Variants in WDR75 observed in about 807,000 individuals in gnomAD.
The protein encoded by WDR75 is WD repeat domain 75.
Under a neutral mutation model 106.1 loss-of-function variants are expected in WDR75, and 52 were observed. That is an observed-to-expected ratio of 0.49 (90% CI 0.39 to 0.62). The LOEUF (loss-of-function observed/expected upper bound fraction) is 0.62, where lower values mean the gene tolerates loss of function less well. Ranked by LOEUF, WDR75 falls within the 20% of genes least tolerant of loss-of-function variation. The pLI, the probability that WDR75 is intolerant of heterozygous loss-of-function variation, is 0.00. For missense variants in WDR75, 905 were observed against 970.3 expected, an observed-to-expected ratio of 0.93 and a Z score of 0.89; for synonymous variants, 333 against 335.5, an observed-to-expected ratio of 0.99 and a Z score of 0.08.
intron 1 of WDR75, among the ~76,000 whole-genome samples, chr2:189,444,608 C>A (rs1686455824): frequency 1.3e-5 from 2 of 152,306 alleles, no homozygotes; most frequent in South Asian, 4.1e-4. Context: ...CCTTACAGAT[C>A]ATTCTGAGTA....
Position 189,474,171 on chromosome 2 carries a change from C to G in WDR75, c.2050-15C>G, listed in dbSNP as rs746219673. Reference sequence around the variant, plus strand: ...TTTTTCTGAAATAATTTCTCTTTGTCTTAAATCCTTAAAGCTGCTAGCAGA... The same window carrying G: ...TTTTTCTGAAATAATTTCTCTTTGTGTTAAATCCTTAAAGCTGCTAGCAGA... On this transcript the variant is annotated splice_polypyrimidine_tract_variant and intron_variant, in intron 18 of 20. Coordinates refer to ENST00000314761, the MANE Select transcript of WDR75 (RefSeq NM_032168.3). 25 of 1,601,254 alleles carry G rather than the reference C, an allele frequency of 1.6e-5. No homozygotes were observed. Among genetic ancestry groups the G allele is most frequent in the Non-Finnish European group, 1.6e-5 (19 of 1,176,168 alleles).
At chr2:189,450,514 G>C in intron 2 of WDR75, 1 of 918,328 alleles carries the variant, frequency 1.1e-6, no homozygotes, top group Non-Finnish European at 1.3e-6. Flanking sequence ...TAGGGGTTTC[G>C]TCATGTTGGC....
At chr2:189,462,036 TA>T (rs1686899015) in intron 8 of WDR75, among the ~76,000 whole-genome samples, 1 of 152,216 alleles carries the variant, frequency 6.6e-6, no homozygotes, top group Admixed American at 6.5e-5. Context: ...TTTCAGCTGT[TA>T]AGGTAATCTC....
chr2:189,474,019 T>C (rs1260479525), intron 18 of WDR75, among the ~76,000 whole-genome samples, 167 bp from the exon 19 acceptor site: 1 of 152,214 alleles, frequency 6.6e-6, no homozygotes, highest in Non-Finnish European at 1.5e-5. Flanking sequence ...AGTGGGATGC[T>C]AGGCCTCAGT....
At chr2:189,453,469 C>G (rs1018839217) in intron 4 of WDR75, among the ~76,000 whole-genome samples, 34 of 152,168 alleles carry the variant, frequency 2.2e-4, no homozygotes, top group African/African-American at 7.5e-4. Flanking sequence ...ACTGACTACA[C>G]ATAAGAATCA....
intron 5 of WDR75, 102 bp downstream of exon 5, chr2:189,455,546 A>G: frequency 7.1e-7 from 1 of 1,410,606 alleles, no homozygotes; most frequent in Non-Finnish European, 9.6e-7. Context: ...ATTCCCTTGA[A>G]TTACTATATT....
In WDR75 at chr2:189,468,536, A is replaced by G. The variant is rs988738627; in HGVS notation, c.1690A>G (p.Ile564Val). 1 of 1,613,328 alleles carries G rather than the reference A, an allele frequency of 6.2e-7. No individual in the cohort carries two copies. The highest frequency in any genetic ancestry group is 8.5e-7 in the Non-Finnish European group (1 of 1,179,446). Residue 564 changes from isoleucine (I) to valine (V), a missense_variant, in exon 15 of 21, where the codon ATT becomes GTT. Transcript: ENST00000314761. ...TCTACTTGGTGCTACTGAAAATGGC[A>G]TTCTTTGCTGTTGGAATCTGCTGAG... is the stretch of plus-strand genomic sequence containing the variant. ...KYLLGATENG[I>V]LCCWNLLSCA...
chr2:189,466,339 T>C (rs1295959200), intron 12 of WDR75, 86 bp from the exon 13 acceptor site: 3 of 1,428,976 alleles, frequency 2.1e-6, no homozygotes, highest in Admixed American at 2.0e-5. Context: ...CAAGATGCTA[T>C]TGTAAAATGT....
chr2:189,470,934 C>A, intron 18 of WDR75, 56 bp downstream of exon 18: 1 of 1,359,286 alleles, frequency 7.4e-7, no homozygotes, highest in Non-Finnish European at 1.0e-6. Flanking sequence ...GATACAATTA[C>A]CTTTTAGAAG....
intron 18 of WDR75, 88 bp from the exon 19 acceptor site, chr2:189,474,098 T>C: frequency 7.3e-7 from 1 of 1,376,246 alleles, no homozygotes. Context: ...ATCCCAGACT[T>C]TTTATGATTC....
intron 8 of WDR75, 34 bp from the exon 9 acceptor site, chr2:189,462,440 TCCTCAAAACA>T: frequency 6.3e-7 from 1 of 1,585,630 alleles, no homozygotes; most frequent in Admixed American, 1.8e-5. Context: ...TTCTCTTTTT[TCCTCAAAACA>T]CCATCCTTTT....
At chr2:189,455,503 T>A (rs963840259) in intron 5 of WDR75, 59 bp downstream of exon 5, 1 of 1,557,232 alleles carries the variant, frequency 6.4e-7, no homozygotes, top group Non-Finnish European at 8.7e-7. Context: ...CTGCAATCTC[T>A]CTTCTGAGCA....
chr2:189,446,971 C>T (rs1686513730), intron 1 of WDR75, among the ~76,000 whole-genome samples: 1 of 152,142 alleles, frequency 6.6e-6, no homozygotes, highest in East Asian at 1.9e-4. Context: ...GACTAACGGG[C>T]AGGTGTGTCT....
Position 189,459,444 on chromosome 2 carries a change from T to C in WDR75, c.778+20T>C, listed in dbSNP as rs560168239. The C allele has an allele frequency of 1.9e-6, 3 of 1,592,422 alleles. No individual in the cohort carries two copies. The highest frequency in any genetic ancestry group is 3.4e-5 in the Admixed American group (2 of 58,162). On this transcript the variant is annotated intron_variant, in intron 8 of 20. Coordinates refer to ENST00000314761, the MANE Select transcript of WDR75 (RefSeq NM_032168.3). ...TGACAGGTAAGTGCGGGTTTAATTA[T>C]TAAAATGAACTTTTGAAGATATGAT...
At chr2:189,442,731 G>A (rs1686408818) in intron 1 of WDR75, among the ~76,000 whole-genome samples, 1 of 152,060 alleles carries the variant, frequency 6.6e-6, no homozygotes, top group Non-Finnish European at 1.5e-5. Context: ...ATTACAGTGA[G>A]CAACTGTGCC....
intron 1 of WDR75, among the ~76,000 whole-genome samples, chr2:189,445,683 ATATCTTAGTTTTGAC>A (rs1686484506): frequency 6.6e-6 from 1 of 152,240 alleles, no homozygotes. Flanking sequence ...ACCAGTGTTA[ATATCTTAGTTTTGAC>A]TAACATGCTG....
At position 189,474,696 on chromosome 2, in the gene WDR75, G is replaced by A. The variant is rs373478724; in HGVS notation, c.2197-21G>A. Reference sequence around the variant, plus strand: ...GAGGATAAGCTTTTTAATTGCAACCGTGTTTTCTGTTTGACTCCAGCTTCT... The same window carrying A: ...GAGGATAAGCTTTTTAATTGCAACCATGTTTTCTGTTTGACTCCAGCTTCT... On this transcript the variant is annotated intron_variant, in intron 19 of 20. Transcript: ENST00000314761. 951 of 1,603,994 alleles carry A rather than the reference G, an allele frequency of 5.9e-4. 4 individuals carry two copies. The highest frequency in any genetic ancestry group is 1.3e-3 in the Admixed American group (80 of 59,884).
intron 1 of WDR75, among the ~76,000 whole-genome samples, chr2:189,446,584 C>T (rs536784608): frequency 1.3e-5 from 2 of 152,126 alleles, no homozygotes; most frequent in South Asian, 2.1e-4. Context: ...AAGTGAAAAT[C>T]AAGTGTCTTG....
At chr2:189,459,927 T>C (rs925077404) in intron 8 of WDR75, among the ~76,000 whole-genome samples, 9 of 152,242 alleles carry the variant, frequency 5.9e-5, no homozygotes, top group Non-Finnish European at 7.3e-5. Context: ...CTCTTGTTTT[T>C]AACTGTTACA....
Sources: allele counts gnomAD v4.1 joint callset (sites outside exome capture counted in the v4.1 genomes callset), GRCh38; gene constraint gnomAD v4.1.1; transcripts MANE v1.5; gene names NCBI Gene and HGNC (gene_info 2026-07-23, HGNC 2026-07-21).